The following C5orf34 variants were observed in gnomAD, a reference collection of about 807,000 sequenced individuals.
The protein encoded by C5orf34 is chromosome 5 open reading frame 34.
Under a neutral mutation model 78.4 loss-of-function variants are expected in C5orf34, and 73 were observed. The observed-to-expected ratio is 0.93, with a 90% CI of 0.77 to 1.13. The LOEUF (loss-of-function observed/expected upper bound fraction) is 1.13, where lower values mean the gene tolerates loss of function less well. C5orf34 is among the 50% of genes most tolerant of loss of function. The pLI, the probability that C5orf34 is intolerant of heterozygous loss-of-function variation, is 0.00. For missense variants in C5orf34, 730 were observed against 732.7 expected (o/e 1.00, Z 0.04); for synonymous variants, 251 against 246.6 (o/e 1.02, Z -0.17).
rs1159080833 is a variant in C5orf34 at position 43,492,860 on chromosome 5, G to T, written c.1345C>A (p.Pro449Thr). 2.5e-6 allele frequency: 4 copies of T among 1,606,508 alleles called. No individual in the cohort carries two copies. The African/African-American group carries it at 5.4e-5, about 22-fold the overall frequency. ...ATGAGTGACTCTTTCAAAACCAAAG[G>T]CAGTATATTGCTATCATTTATCCCA... ...VPGINDSNILPLVLKESLIPS... is the reference protein window; with the variant it reads ...VPGINDSNILTLVLKESLIPS... The change falls in exon 9 of 13, where the codon CCT becomes ACT. Residue 449 changes from proline (P) to threonine (T), a missense_variant. Physicochemically the swap from Pro to Thr is conservative, Grantham distance 38. Coordinates refer to ENST00000306862, the MANE Select transcript of C5orf34 (RefSeq NM_198566.4).
rs193023825 is a variant in C5orf34 at position 43,507,913 on chromosome 5, C to T, written c.285+664G>A. On this transcript the variant is annotated intron_variant, in intron 3 of 12. Transcript: ENST00000306862. ...CTAACATGATGAAACCCCGTCTCTA[C>T]TAAAAATGCAAGAAATTAGCCGGGT... 3.4e-3 allele frequency among the ~76,000 whole-genome samples: 518 copies of T among 152,184 alleles called. 3 individuals are homozygous for T. Among genetic ancestry groups the T allele is most frequent in the Non-Finnish European group, 4.3e-3 (292 of 68,006 alleles).
chr5:43,508,166 T>C (rs911926064), intron 3 of C5orf34, among the ~76,000 whole-genome samples: 2 of 152,200 alleles, frequency 1.3e-5, no homozygotes, highest in Non-Finnish European at 2.9e-5. Flanking sequence ...TATGGTGTTA[T>C]TAAATATTTC....
chr5:43,500,594 C>G (rs1370175287), intron 6 of C5orf34, among the ~76,000 whole-genome samples: 1 of 152,160 alleles, frequency 6.6e-6, no homozygotes, highest in Non-Finnish European at 1.5e-5. Flanking sequence ...CGAGGTTTTG[C>G]CATGTTGGCT....
rs1036704081 is a variant in C5orf34 at position 43,515,066 on chromosome 5, T to A, written c.-297A>T. On this transcript the variant is annotated 5_prime_UTR_variant, in exon 1 of 13. Coordinates refer to ENST00000306862, the MANE Select transcript of C5orf34 (RefSeq NM_198566.4). The stretch of plus-strand genomic sequence containing the variant: ...ACAGGAAAGCGGAGACAGCGCCAAC[T>A]GTAACCACTAAGAGAAAGCGCAAAC... 5.3e-5 allele frequency: 8 copies of A among 152,378 alleles called. No homozygotes were observed. The highest frequency in any genetic ancestry group is 1.9e-4 in the African/African-American group (8 of 41,570). The allele number at this position is 152,378 out of a possible 1,614,324, so 9.4% of individuals were successfully genotyped here.
chr5:43,491,110 G>A (rs1000696822), intron 10 of C5orf34, among the ~76,000 whole-genome samples: 8 of 152,056 alleles, frequency 5.3e-5, no homozygotes, highest in African/African-American at 1.9e-4. Flanking sequence ...CTGAGCATTT[G>A]CTTACTAAAA....
At chr5:43,494,948 C>CT (rs1745438531) in intron 6 of C5orf34, 5 of 794,822 alleles carry the variant, frequency 6.3e-6, no homozygotes, top group Admixed American at 4.8e-5. Flanking sequence ...GAAGGTTTTA[C>CT]GATGCATTGT....
chr5:43,492,990 G>T, intron 8 of C5orf34, 100 bp from the exon 9 acceptor site: 2 of 605,818 alleles, frequency 3.3e-6, no homozygotes, highest in Non-Finnish European at 2.6e-6. Context: ...TACTTATTCA[G>T]AAGTCAAATA....
intron 3 of C5orf34, 60 bp from the exon 4 acceptor site, chr5:43,506,454 T>C (rs1011961546): frequency 2.1e-6 from 3 of 1,458,772 alleles, no homozygotes; most frequent in African/African-American, 1.4e-5. Context: ...AATTTTTCCA[T>C]ATATTTGATA....
At chr5:43,511,363 G>A (rs7443353) in intron 1 of C5orf34, 62,404 of 154,546 alleles carry the variant, frequency 0.4, 14,935 homozygotes, top group East Asian at 0.78. Flanking sequence ...CCGGGAGGGA[G>A]GTGGGGGGCA....
At position 43,506,347 on chromosome 5, in the gene C5orf34, T is replaced by C. The variant is rs17853711; in HGVS notation, c.333A>G (p.Thr111=). The change falls in exon 4 of 13, where the codon ACA becomes ACG. Residue 111 remains threonine, a synonymous_variant. Coordinates refer to ENST00000306862, the MANE Select transcript of C5orf34 (RefSeq NM_198566.4). Reference sequence around the variant, plus strand: ...TCTCCATATATATCATGGTACCATCTGTATCAAGACTGGGCCATCTCACTT... The same window carrying C: ...TCTCCATATATATCATGGTACCATCCGTATCAAGACTGGGCCATCTCACTT... ...ITEVRWPSLD[T]DGTMIYMESG... 7,063 of 1,613,606 alleles carry C rather than the reference T, an allele frequency of 4.4e-3. 369 individuals carry two copies. In the East Asian group the frequency reaches 0.13, roughly 29 times the overall value.
intron 10 of C5orf34, 90 bp from the exon 11 acceptor site, chr5:43,490,819 G>A (rs1408876730): frequency 6.2e-6 from 4 of 644,342 alleles, no homozygotes; most frequent in Non-Finnish European, 7.7e-6. Context: ...GACAATTTGG[G>A]AAAAAAGGAT....
chr5:43,493,803 A>T (rs1745385845), intron 7 of C5orf34, among the ~76,000 whole-genome samples, 191 bp from the exon 8 acceptor site: 1 of 152,122 alleles, frequency 6.6e-6, no homozygotes, highest in African/African-American at 2.4e-5. Flanking sequence ...CCTTTGTGCT[A>T]ATCTTACCTA....
chr5:43,492,048 T>C (rs1382686897), intron 10 of C5orf34, among the ~76,000 whole-genome samples, 167 bp downstream of exon 10: 2 of 150,588 alleles, frequency 1.3e-5, no homozygotes, highest in African/African-American at 4.9e-5. Flanking sequence ...TATTTAGTTA[T>C]GCTAAACACA....
At chr5:43,503,977 A>G (rs1255830592) in intron 4 of C5orf34, among the ~76,000 whole-genome samples, 1 of 152,170 alleles carries the variant, frequency 6.6e-6, no homozygotes, top group Non-Finnish European at 1.5e-5. Context: ...ATTGAATCTC[A>G]GCACAATTAC....
intron 1 of C5orf34, chr5:43,510,939 C>A (rs190128658): frequency 0.046 from 9,172 of 200,160 alleles, 179 homozygotes; most frequent in Middle Eastern, 0.067. Context: ...GCCCGACTGC[C>A]CAGTCTGGGA....
At chr5:43,492,360 C>T (rs1745321055) in intron 9 of C5orf34, 51 bp from the exon 10 acceptor site, 1 of 1,148,632 alleles carries the variant, frequency 8.7e-7, no homozygotes, top group Non-Finnish European at 1.3e-6. Context: ...AAAAAAAGAA[C>T]ATAAACAACC....
chr5:43,511,611 T>C (rs1171394289), intron 1 of C5orf34, among the ~76,000 whole-genome samples: 2 of 152,320 alleles, frequency 1.3e-5, no homozygotes, highest in Admixed American at 6.5e-5. Flanking sequence ...GGGGAAAAGA[T>C]AGAGAAATCA....
intron 1 of C5orf34, among the ~76,000 whole-genome samples, chr5:43,509,919 C>A (rs910262162): frequency 2.0e-5 from 3 of 151,990 alleles, no homozygotes; most frequent in African/African-American, 7.3e-5. Context: ...CCATGCCTGG[C>A]TAATTTTTGT....
chr5:43,503,683 T>A lies in C5orf34; in HGVS notation c.1010A>T (p.Tyr337Phe). 6.2e-7 allele frequency: 1 copy of A among 1,612,514 alleles called. No homozygotes were observed. The highest frequency in any genetic ancestry group is 8.5e-7 in the Non-Finnish European group (1 of 1,178,554). The change falls in exon 5 of 13, where the codon TAC (tyrosine) becomes TTC (phenylalanine). Residue 337 changes from tyrosine to phenylalanine, a missense_variant. Tyr to Phe is a conservative substitution (Grantham distance 22). Coordinates refer to ENST00000306862, the MANE Select transcript of C5orf34 (RefSeq NM_198566.4). ...GCCTTACCTATATGTAACACCTTTG[T>A]ACCAAACCATTTTCACTAGTTCAGG... The part of the protein sequence containing the change: ...SYPELVKMVW[Y>F]KGVTYRLTHQ...
Sources: allele counts gnomAD v4.1 joint callset (sites outside exome capture counted in the v4.1 genomes callset), GRCh38; gene constraint gnomAD v4.1.1; transcripts MANE v1.5; gene names NCBI Gene and HGNC (gene_info 2026-07-23, HGNC 2026-07-21).